The following ANKS1B variants were observed in gnomAD, a reference collection of about 807,000 sequenced individuals.
ANKS1B encodes the protein ankyrin repeat and sterile alpha motif domain containing 1B.
A neutral mutation model predicts 148.3 loss-of-function variants in ANKS1B; 36 were observed. That is an observed-to-expected ratio of 0.24 (90% CI 0.19 to 0.32). The LOEUF is 0.32. Ranked by LOEUF, ANKS1B falls within the 10% of genes least tolerant of loss-of-function variation. The probability of loss-of-function intolerance (pLI) is 1.00; values close to 1 mark genes in which losing one functional copy is unlikely to be tolerated. For synonymous variants in ANKS1B, 542 were observed against 560.8 expected (o/e 0.97, Z 0.47); for missense variants, 1,157 against 1,542.6 (o/e 0.75, Z 4.19).
intron 16 of ANKS1B, among the ~76,000 whole-genome samples, chr12:99,063,919 T>A (rs1438849313): frequency 6.6e-6 from 1 of 152,246 alleles, no homozygotes; most frequent in East Asian, 1.9e-4. Context: ...CTCCTTTGTT[T>A]ACAATTAGAC....
intron 17 of ANKS1B, among the ~76,000 whole-genome samples, chr12:98,899,833 T>G (rs2099769707): frequency 6.6e-6 from 1 of 152,252 alleles, no homozygotes; most frequent in South Asian, 2.1e-4. Flanking sequence ...TAACCCTTAT[T>G]GAACATCTCT....
At chr12:99,234,974 G>T (rs1441999537) in intron 14 of ANKS1B, among the ~76,000 whole-genome samples, 1 of 152,116 alleles carries the variant, frequency 6.6e-6, no homozygotes, top group Non-Finnish European at 1.5e-5. Flanking sequence ...TAGCACGTAA[G>T]TAGTGTGTGA....
intron 1 of ANKS1B, among the ~76,000 whole-genome samples, chr12:99,830,872 T>A: frequency 6.6e-6 from 1 of 152,218 alleles, no homozygotes; most frequent in African/African-American, 2.4e-5. Flanking sequence ...ACCTTATGAC[T>A]GTTGCATTTG....
At chr12:98,893,333 G>A (rs1428757950) in intron 17 of ANKS1B, among the ~76,000 whole-genome samples, 1 of 152,096 alleles carries the variant, frequency 6.6e-6, no homozygotes, top group Non-Finnish European at 1.5e-5. Context: ...TTACGGACTC[G>A]AATAACCCAG....
At chr12:99,566,714 TTC>T (rs1373808057) in intron 9 of ANKS1B, among the ~76,000 whole-genome samples, 1 of 152,158 alleles carries the variant, frequency 6.6e-6, no homozygotes, top group Admixed American at 6.5e-5. Context: ...TTGTGATGCC[TTC>T]TGTCATGGAA....
intron 9 of ANKS1B, among the ~76,000 whole-genome samples, chr12:99,517,032 A>G (rs1235006765): frequency 2.0e-5 from 3 of 151,992 alleles, no homozygotes; most frequent in African/African-American, 7.2e-5. Flanking sequence ...TTAGAATTGC[A>G]TTTTCTATTT....
chr12:99,717,899 CTTTTTTT>C (rs943618905), intron 8 of ANKS1B, among the ~76,000 whole-genome samples: 6 of 111,072 alleles, frequency 5.4e-5, no homozygotes, highest in East Asian at 6.2e-4. Flanking sequence ...AGACAATACT[CTTTTTTT>C]TTTTTTTTTT....
chr12:99,206,486 A>G (rs2082687663), intron 14 of ANKS1B, among the ~76,000 whole-genome samples: 1 of 152,168 alleles, frequency 6.6e-6, no homozygotes, highest in South Asian at 2.1e-4. Flanking sequence ...CAAAAAAAAA[A>G]TTTAATGGGC....
intron 12 of ANKS1B, among the ~76,000 whole-genome samples, chr12:99,379,356 T>C (rs941681750): frequency 7.9e-5 from 12 of 152,204 alleles, no homozygotes; most frequent in African/African-American, 2.9e-4. Flanking sequence ...TCTAGTTCTA[T>C]CAATGAAGGC....
At chr12:99,163,623 TC>T (rs1462562099) in intron 14 of ANKS1B, among the ~76,000 whole-genome samples, 1 of 152,126 alleles carries the variant, frequency 6.6e-6, no homozygotes, top group Non-Finnish European at 1.5e-5. Context: ...ATAGCCTTCT[TC>T]CTCCCTTTCC....
At chr12:99,330,374 G>A (rs1417146229) in intron 12 of ANKS1B, among the ~76,000 whole-genome samples, 1 of 151,918 alleles carries the variant, frequency 6.6e-6, no homozygotes, top group Non-Finnish European at 1.5e-5. Flanking sequence ...TAGCCTGAGT[G>A]CCAGGAAATG....
intron 9 of ANKS1B, among the ~76,000 whole-genome samples, chr12:99,532,847 G>A (rs572524760): frequency 6.6e-6 from 1 of 152,168 alleles, no homozygotes; most frequent in South Asian, 2.1e-4. Flanking sequence ...ATTTTGCTTT[G>A]TTTCTGGGTT....
chr12:99,183,623 A>G (rs1482773212), intron 14 of ANKS1B, among the ~76,000 whole-genome samples: 2 of 152,194 alleles, frequency 1.3e-5, no homozygotes, highest in Non-Finnish European at 2.9e-5. Flanking sequence ...AGCCTGGGTA[A>G]CAAGAGCAAA....
intron 15 of ANKS1B, among the ~76,000 whole-genome samples, chr12:99,119,448 G>A (rs1216415437): frequency 6.6e-6 from 1 of 152,132 alleles, no homozygotes; most frequent in African/African-American, 2.4e-5. Flanking sequence ...GCAAGTTCAT[G>A]GTAATTTGTT....
At chr12:99,919,509 C>T (rs1484005545) in intron 1 of ANKS1B, among the ~76,000 whole-genome samples, 1 of 152,042 alleles carries the variant, frequency 6.6e-6, no homozygotes, top group Non-Finnish European at 1.5e-5. Context: ...TGGAAGCTTG[C>T]ATAAACAGAT....
intron 24 of ANKS1B, among the ~76,000 whole-genome samples, chr12:98,780,039 A>G (rs576299279): frequency 6.6e-6 from 1 of 152,270 alleles, no homozygotes; most frequent in East Asian, 1.9e-4. Context: ...AATTGGAAAA[A>G]CTTCCGATTC....
At chr12:99,938,110 A>G (rs975767182) in intron 1 of ANKS1B, among the ~76,000 whole-genome samples, 1 of 152,196 alleles carries the variant, frequency 6.6e-6, no homozygotes, top group African/African-American at 2.4e-5. Flanking sequence ...CAGATGGGAT[A>G]CATGTACATG....
chr12:99,497,189 A>T (rs1181664248), intron 10 of ANKS1B, among the ~76,000 whole-genome samples: 1 of 152,198 alleles, frequency 6.6e-6, no homozygotes, highest in Non-Finnish European at 1.5e-5. Flanking sequence ...GATACTTTAG[A>T]TCATCTTTAG....
intron 17 of ANKS1B, among the ~76,000 whole-genome samples, chr12:98,945,485 A>G (rs1240631515): frequency 7.8e-6 from 1 of 128,580 alleles, no homozygotes; most frequent in Non-Finnish European, 1.6e-5. Context: ...GCAGAGCCAG[A>G]CCCTGTCTCA....
Sources: allele counts gnomAD v4.1 joint callset (sites outside exome capture counted in the v4.1 genomes callset), GRCh38; gene constraint gnomAD v4.1.1; transcripts MANE v1.5; gene names NCBI Gene and HGNC (gene_info 2026-07-23, HGNC 2026-07-21).